AK5: variants seen among roughly 807,000 people sequenced by gnomAD.
The protein encoded by AK5 is adenylate kinase isoenzyme 5.
Under a neutral mutation model 69.5 loss-of-function variants are expected in AK5, and 27 were observed. The ratio of observed to expected loss-of-function variants is 0.39; its 90% CI spans 0.29 to 0.54. AK5 has a LOEUF of 0.54. Among genes scored for constraint, AK5 ranks in the 20% least tolerant of loss-of-function variants. AK5 has a pLI of 0.71. For synonymous variants in AK5, 260 were observed against 244.4 expected, an observed-to-expected ratio of 1.06 and a Z score of -0.60; for missense variants, 531 against 700.4, an observed-to-expected ratio of 0.76 and a Z score of 2.73.
intron 6 of AK5, chr1:77,340,799 T>G (rs773968167): frequency 1.2e-5 from 5 of 403,412 alleles, no homozygotes; most frequent in African/African-American, 2.0e-5. Flanking sequence ...GAAGATAAAT[T>G]TTAACCTTGG....
At chr1:77,536,180 GC>G in intron 13 of AK5, 142 bp downstream of exon 13, 1 of 937,428 alleles carries the variant, frequency 1.1e-6, no homozygotes, top group Non-Finnish European at 1.6e-6. Context: ...GGGCCAAAAG[GC>G]CCAGCACAGT....
intron 5 of AK5, among the ~76,000 whole-genome samples, chr1:77,333,500 C>G (rs1004704869): frequency 6.6e-6 from 1 of 152,062 alleles, no homozygotes; most frequent in African/African-American, 2.4e-5. Flanking sequence ...TTTCTTTCCT[C>G]CTTTCTTACT....
intron 5 of AK5, among the ~76,000 whole-genome samples, chr1:77,305,350 T>C (rs1422256712): frequency 6.6e-6 from 1 of 152,110 alleles, no homozygotes; most frequent in East Asian, 1.9e-4. Context: ...TGTGATCCCA[T>C]TTGTCCATCT....
intron 9 of AK5, among the ~76,000 whole-genome samples, chr1:77,485,760 T>A (rs956901394): frequency 3.9e-5 from 6 of 152,160 alleles, no homozygotes; most frequent in African/African-American, 1.4e-4. Flanking sequence ...ATGACGTAAA[T>A]TTTTGCCACC....
At chr1:77,463,026 A>T (rs373059489) in intron 8 of AK5, among the ~76,000 whole-genome samples, 36 of 152,336 alleles carry the variant, frequency 2.4e-4, no homozygotes, top group African/African-American at 7.5e-4. Flanking sequence ...TGTGCAAAGA[A>T]TCTAGATTCT....
chr1:77,479,884 C>G (rs1361137048), intron 8 of AK5, among the ~76,000 whole-genome samples: 1 of 152,152 alleles, frequency 6.6e-6, no homozygotes, highest in East Asian at 1.9e-4. Flanking sequence ...TGGGTTGAGT[C>G]TTCTCAAGTG....
At chr1:77,539,800 G>A (rs1185504918) in intron 13 of AK5, among the ~76,000 whole-genome samples, 1 of 152,134 alleles carries the variant, frequency 6.6e-6, no homozygotes, top group Non-Finnish European at 1.5e-5. Flanking sequence ...ATGCTGTTTG[G>A]ATTGTTTGCC....
rs375151319 is a variant in AK5, at chr1:77,351,006, C to T, written c.891+10438C>T. Among the ~76,000 whole-genome samples, 7 of 152,298 alleles carry T rather than the reference C, an allele frequency of 4.6e-5. 1 individual carries two copies. Among genetic ancestry groups the T allele is most frequent in the African/African-American group, 1.7e-4 (7 of 41,564 alleles). On this transcript the variant is annotated intron_variant, in intron 6 of 13. Coordinates refer to ENST00000354567, the MANE Select transcript of AK5 (RefSeq NM_174858.3). Reference sequence around the variant, plus strand: ...CCATTTATTTTCATGGCAGACAGCCCTGCACATCTTGCAGCAGTGAGGACA... The same window carrying T: ...CCATTTATTTTCATGGCAGACAGCCTTGCACATCTTGCAGCAGTGAGGACA...
chr1:77,503,027 C>T (rs1656814629), intron 10 of AK5, among the ~76,000 whole-genome samples: 1 of 152,216 alleles, frequency 6.6e-6, no homozygotes, highest in Admixed American at 6.5e-5. Flanking sequence ...ATCTGTTGTC[C>T]ATAGGAAAGT....
chr1:77,368,275 T>A (rs1384312313), intron 6 of AK5, among the ~76,000 whole-genome samples: 2 of 76,348 alleles, frequency 2.6e-5, no homozygotes, highest in African/African-American at 4.2e-5. Flanking sequence ...ATATATATGT[T>A]ATATATGTTA....
chr1:77,406,472 C>T (rs1160890012), intron 6 of AK5, among the ~76,000 whole-genome samples: 1 of 151,940 alleles, frequency 6.6e-6, no homozygotes, highest in South Asian at 2.1e-4. Flanking sequence ...TGGAAATATG[C>T]AGAGGGCCTA....
At chr1:77,353,997 G>T (rs1662357280) in intron 6 of AK5, among the ~76,000 whole-genome samples, 1 of 152,070 alleles carries the variant, frequency 6.6e-6, no homozygotes, top group African/African-American at 2.4e-5. Context: ...AACTCTGGTG[G>T]GACTGGATGA....
chr1:77,473,293 C>G (rs543948225), intron 8 of AK5, among the ~76,000 whole-genome samples: 3 of 151,810 alleles, frequency 2.0e-5, no homozygotes, highest in Non-Finnish European at 4.4e-5. Flanking sequence ...TCACAACTCA[C>G]TGCAGCCTCA....
At chr1:77,464,667 AG>A (rs1654034653) in intron 8 of AK5, among the ~76,000 whole-genome samples, 1 of 152,166 alleles carries the variant, frequency 6.6e-6, no homozygotes, top group Non-Finnish European at 1.5e-5. Flanking sequence ...AGGCTGGCCC[AG>A]ATCAGAAAGA....
intron 10 of AK5, among the ~76,000 whole-genome samples, chr1:77,501,866 A>G (rs1378423486): frequency 6.6e-6 from 1 of 152,204 alleles, no homozygotes; most frequent in Non-Finnish European, 1.5e-5. Context: ...ACATCACTAG[A>G]TAGTGTAAAA....
At position 77,529,482 on chromosome 1, in the gene AK5, G is replaced by A. The variant is rs139369951; in HGVS notation, c.1429-6365G>A. 4.3e-3 allele frequency among the ~76,000 whole-genome samples: 659 copies of A among 152,038 alleles called. 4 individuals are homozygous for A. The highest frequency in any genetic ancestry group is 6.6e-3 in the Non-Finnish European group (452 of 67,996). On this transcript the variant is annotated intron_variant, in intron 12 of 13. Coordinates refer to ENST00000354567, the MANE Select transcript of AK5 (RefSeq NM_174858.3). ...GGGGATTACAGGTGCCCACCACCACGTCCAGCTAATTTTTATATTTTTAGT... is the reference window on the plus strand; with the variant it reads ...GGGGATTACAGGTGCCCACCACCACATCCAGCTAATTTTTATATTTTTAGT...
intron 5 of AK5, among the ~76,000 whole-genome samples, chr1:77,323,165 T>C (rs1298737849): frequency 2.6e-5 from 4 of 152,082 alleles, no homozygotes; most frequent in Non-Finnish European, 5.9e-5. Context: ...ATTTTTTTTG[T>C]ATTTTTAGTA....
At chr1:77,456,866 C>T (rs1653516931) in intron 8 of AK5, among the ~76,000 whole-genome samples, 1 of 150,184 alleles carries the variant, frequency 6.7e-6, no homozygotes, top group African/African-American at 2.5e-5. Context: ...GGTCTGTTGT[C>T]TTCCTCTCTA....
At chr1:77,343,996 G>T (rs977854110) in intron 6 of AK5, among the ~76,000 whole-genome samples, 1 of 152,172 alleles carries the variant, frequency 6.6e-6, no homozygotes, top group Non-Finnish European at 1.5e-5. Context: ...TTGTAAGTTT[G>T]ACTCAGTGTC....
Sources: allele counts gnomAD v4.1 joint callset (sites outside exome capture counted in the v4.1 genomes callset), GRCh38; gene constraint gnomAD v4.1.1; transcripts MANE v1.5; gene names NCBI Gene and HGNC (gene_info 2026-07-23, HGNC 2026-07-21).